The following THSD4 variants were observed in gnomAD, a reference collection of about 807,000 sequenced individuals.
THSD4 encodes thrombospondin type 1 domain containing 4.
Under a neutral mutation model 119.0 loss-of-function variants are expected in THSD4, and 69 were observed. The ratio of observed to expected loss-of-function variants is 0.58; its 90% CI spans 0.48 to 0.71. THSD4 has a LOEUF of 0.71. Ranked by LOEUF, THSD4 falls within the 30% of genes least tolerant of loss-of-function variation. The pLI, the probability that THSD4 is intolerant of heterozygous loss-of-function variation, is 0.00. For missense variants in THSD4, 1,393 were observed against 1,391.1 expected (o/e 1.00, Z -0.02); for synonymous variants, 524 against 540.4 (o/e 0.97, Z 0.42).
intron 15 of THSD4, 80 bp from the exon 16 acceptor site, chr15:71,764,940 C>A: frequency 6.6e-7 from 1 of 1,506,940 alleles, no homozygotes; most frequent in South Asian, 1.3e-5. Context: ...CGGTGCCCGT[C>A]ATAAGCATCC....
chr15:71,181,041 G>A (rs2043518797), intron 3 of THSD4, among the ~76,000 whole-genome samples: 1 of 152,116 alleles, frequency 6.6e-6, no homozygotes, highest in Non-Finnish European at 1.5e-5. Context: ...TTGTCCCTTG[G>A]GAGTGACCAG....
rs57999390 is a variant in THSD4 at position 71,716,561 on chromosome 15, G to GGTGTGTGTGTGTGT, written c.1358-11981_1358-11968dup. ...TTCCTGTTTGTTTTATAGAGTGTGGGGTGTGTGTGTGTGTGTGTGTTGGTT... is the reference window on the plus strand; with the variant it reads ...TTCCTGTTTGTTTTATAGAGTGTGGGGTGTGTGTGTGTGTGTGTGTGTGTGTGTGTGTGTTGGTT... On this transcript the variant is annotated intron_variant, in intron 8 of 17. Transcript: ENST00000261862. Among the ~76,000 whole-genome samples the GGTGTGTGTGTGTGT allele has an allele frequency of 4.2e-3, 605 of 144,604 alleles. 3 individuals carry two copies. The highest frequency in any genetic ancestry group is 0.014 in the African/African-American group (556 of 39,268). The allele number at this position is 144,604 out of a possible 152,430, so 94.9% of individuals were successfully genotyped here. A position where few individuals can be genotyped will look rare whatever the true frequency, so the allele number is the denominator to read the frequency against.
chr15:71,562,698 C>CTTTTTTTT lies in THSD4; in HGVS notation c.1153-97825_1153-97818dup, dbSNP rs34555744. ...ACACCTAAGCCTACCACCTTTGGTC[C>CTTTTTTTT]TTTTTTTTTTTTTTCTTTTCTGAAA... On this transcript the variant is annotated intron_variant, in intron 7 of 17. Coordinates refer to ENST00000261862, the MANE Select transcript of THSD4 (RefSeq NM_024817.3). 3.2e-5 allele frequency among the ~76,000 whole-genome samples: 4 copies of CTTTTTTTT among 125,276 alleles called. 1 individual carries two copies. Among genetic ancestry groups the CTTTTTTTT allele is most frequent in the Non-Finnish European group, 4.9e-5 (3 of 61,164 alleles). The allele number at this position is 125,276 out of a possible 152,430, so 82.2% of individuals were successfully genotyped here.
At chr15:71,139,690 G>A (rs78812910) in intron 1 of THSD4, among the ~76,000 whole-genome samples, 1 of 152,212 alleles carries the variant, frequency 6.6e-6, no homozygotes, top group Non-Finnish European at 1.5e-5. Flanking sequence ...CCTGAGAATG[G>A]AATTGTCTGG....
At chr15:71,233,326 T>C (rs1260190408) in intron 4 of THSD4, among the ~76,000 whole-genome samples, 6 of 152,178 alleles carry the variant, frequency 3.9e-5, no homozygotes, top group Non-Finnish European at 1.5e-5. Flanking sequence ...TATGAAAGGG[T>C]AAGAAATGAC....
intron 8 of THSD4, among the ~76,000 whole-genome samples, chr15:71,677,210 G>T (rs539127796): frequency 6.6e-6 from 1 of 152,212 alleles, no homozygotes; most frequent in Non-Finnish European, 1.5e-5. Flanking sequence ...CCTGCTGCAG[G>T]TCATGGCAGC....
chr15:71,770,303 C>T (rs1373000892), intron 16 of THSD4, among the ~76,000 whole-genome samples: 2 of 135,138 alleles, frequency 1.5e-5, no homozygotes, highest in Non-Finnish European at 3.1e-5. Flanking sequence ...AATGTCTGCA[C>T]CAATAATTCC....
intron 3 of THSD4, among the ~76,000 whole-genome samples, chr15:71,165,920 G>C (rs2043290717): frequency 6.6e-6 from 1 of 152,118 alleles, no homozygotes; most frequent in South Asian, 2.1e-4. Flanking sequence ...CAGTCAGGCT[G>C]TCAGGCCAAG....
intron 3 of THSD4, among the ~76,000 whole-genome samples, chr15:71,198,090 A>G (rs1316008679): frequency 6.6e-6 from 1 of 152,168 alleles, no homozygotes; most frequent in Non-Finnish European, 1.5e-5. Context: ...CCCTGTCTCT[A>G]CGAAAAATAA....
At chr15:71,299,342 C>T (rs1024209617) in intron 6 of THSD4, among the ~76,000 whole-genome samples, 1 of 152,220 alleles carries the variant, frequency 6.6e-6, no homozygotes, top group African/African-American at 2.4e-5. Flanking sequence ...GCAGCCACTC[C>T]TCTGTTCTGG....
At chr15:71,276,112 A>G (rs2044587197) in intron 6 of THSD4, among the ~76,000 whole-genome samples, 1 of 152,260 alleles carries the variant, frequency 6.6e-6, no homozygotes, top group Non-Finnish European at 1.5e-5. Context: ...AAAGATTAAA[A>G]GAAAAATCAC....
chr15:71,296,475 A>G (rs909882386), intron 6 of THSD4, among the ~76,000 whole-genome samples: 2 of 152,080 alleles, frequency 1.3e-5, no homozygotes, highest in Non-Finnish European at 2.9e-5. Flanking sequence ...TGTTGTCTCT[A>G]TTAGTCTGTG....
In THSD4 at chr15:71,526,828, G is replaced by C. The variant is rs151170982; in HGVS notation, c.1152+115005G>C. ...TCAACCTAGAATAGATTCTCTTATAGTGTCTGTTGGACAGTATGCTGAACT... is the reference window on the plus strand; with the variant it reads ...TCAACCTAGAATAGATTCTCTTATACTGTCTGTTGGACAGTATGCTGAACT... On this transcript the variant is annotated intron_variant, in intron 7 of 17. Transcript: ENST00000261862. Among the ~76,000 whole-genome samples, 21 of 152,306 alleles carry C rather than the reference G, an allele frequency of 1.4e-4. 1 individual carries two copies. Among genetic ancestry groups the C allele is most frequent in the Admixed American group, 1.0e-3 (16 of 15,306 alleles).
chr15:71,765,627 G>T (rs2053702351), intron 16 of THSD4, among the ~76,000 whole-genome samples: 1 of 152,192 alleles, frequency 6.6e-6, no homozygotes, highest in African/African-American at 2.4e-5. Flanking sequence ...CTGATGCCAG[G>T]CGTGGTGGTT....
Position 71,558,556 on chromosome 15 carries a change from C to A in THSD4, c.1153-101974C>A, listed in dbSNP as rs1348012488. ...AGGATCACAGCTCATACAGCCTCAA[C>A]CTCCTGGGCTGAAGTGATCCTTCCA... On this transcript the variant is annotated intron_variant, in intron 7 of 17. Transcript: ENST00000261862. Among the ~76,000 whole-genome samples, 5 of 152,112 alleles carry A rather than the reference C, an allele frequency of 3.3e-5. No individual in the cohort carries two copies. In the East Asian group the frequency reaches 9.7e-4, roughly 29 times the overall value.
At chr15:71,694,012 C>G (rs892175260) in intron 8 of THSD4, among the ~76,000 whole-genome samples, 8 of 140,870 alleles carry the variant, frequency 5.7e-5, no homozygotes, top group African/African-American at 2.0e-4. Flanking sequence ...GAGACCCTGT[C>G]TCAAAAAAAA....
intron 4 of THSD4, among the ~76,000 whole-genome samples, chr15:71,235,654 CTCAGCT>C (rs1236970455): frequency 4.2e-5 from 6 of 142,716 alleles, no homozygotes; most frequent in South Asian, 2.2e-4. Flanking sequence ...GTGGCACGAT[CTCAGCT>C]CACTGCCACC....
intron 7 of THSD4, among the ~76,000 whole-genome samples, chr15:71,569,892 G>T (rs2049316900): frequency 6.6e-6 from 1 of 152,172 alleles, no homozygotes; most frequent in Non-Finnish European, 1.5e-5. Context: ...TACTCAGGAG[G>T]CTGAGGCAGG....
chr15:71,287,026 C>A (rs2044726881), intron 6 of THSD4, among the ~76,000 whole-genome samples: 1 of 152,146 alleles, frequency 6.6e-6, no homozygotes, highest in Non-Finnish European at 1.5e-5. Flanking sequence ...CATTTTTGGT[C>A]ATGTATACCT....
Sources: gnomAD v4.1 joint callset for allele counts (sites outside exome capture counted in the v4.1 genomes callset) on GRCh38, gnomAD v4.1.1 for gene constraint, MANE v1.5 for transcripts, NCBI Gene and HGNC (gene_info 2026-07-23, HGNC 2026-07-21) for gene names.